TLK1: variants seen among roughly 807,000 people sequenced by gnomAD.
TLK1 encodes the protein tousled like kinase 1, also known as serine/threonine-protein kinase tousled-like 1.
A neutral mutation model predicts 105.3 loss-of-function variants in TLK1; 24 were observed. The ratio of observed to expected loss-of-function variants is 0.23; its 90% confidence interval spans 0.17 to 0.32. The LOEUF is 0.32. TLK1 is among the 10% of genes least tolerant of loss of function. The pLI is 1.00. For missense variants in TLK1, 558 were observed against 910.5 expected, an observed-to-expected ratio of 0.61 and a Z score of 4.98; for synonymous variants, 321 against 310.4, an observed-to-expected ratio of 1.03 and a Z score of -0.36.
chr2:171,121,734 A>C (rs1690664142), intron 1 of TLK1, among the ~76,000 whole-genome samples: 1 of 152,216 alleles, frequency 6.6e-6, no homozygotes, highest in Non-Finnish European at 1.5e-5. Flanking sequence ...TTACCATGGA[A>C]GATGAGGGCA....
chr2:171,223,781 T>C (rs548350599), intron 1 of TLK1, among the ~76,000 whole-genome samples: 40 of 151,882 alleles, frequency 2.6e-4, no homozygotes, highest in Admixed American at 2.5e-3. Context: ...CTCCCAGCAG[T>C]GCACATTTTA....
intron 1 of TLK1, among the ~76,000 whole-genome samples, chr2:171,186,490 A>G (rs1270356210): frequency 9.2e-5 from 14 of 152,150 alleles, no homozygotes; most frequent in African/African-American, 3.4e-4. Flanking sequence ...ATATCCTACA[A>G]TGTGTGGGAC....
intron 2 of TLK1, among the ~76,000 whole-genome samples, chr2:171,104,428 A>G (rs572999235): frequency 2.0e-5 from 3 of 152,274 alleles, no homozygotes; most frequent in African/African-American, 7.2e-5. Flanking sequence ...AAAAAATAGA[A>G]AGACACCCCA....
chr2:171,139,492 G>A (rs1284888840), intron 1 of TLK1, among the ~76,000 whole-genome samples: 1 of 152,056 alleles, frequency 6.6e-6, no homozygotes, highest in East Asian at 1.9e-4. Context: ...AACTCGGGAG[G>A]CTGAGGCAGG....
intron 10 of TLK1, among the ~76,000 whole-genome samples, chr2:171,048,360 C>T (rs11674590): frequency 0.58 from 88,592 of 152,130 alleles, 28,014 homozygotes; most frequent in East Asian, 0.95. Context: ...GGACAATTGC[C>T]GGTCTGGGTT....
Position 171,007,005 on chromosome 2 carries a change from C to G in TLK1, c.1475G>C (p.Ser492Thr). 1 of 1,610,676 alleles carries G rather than the reference C, an allele frequency of 6.2e-7. No individual in the cohort carries two copies. Among genetic ancestry groups the G allele is most frequent in the Non-Finnish European group, 8.5e-7 (1 of 1,179,108 alleles). The change falls in exon 15 of 21, where the codon AGC (serine) becomes ACC (threonine). Residue 492 changes from serine (S) to threonine (T), a missense_variant. Transcript: ENST00000431350. ...GTTTTCTTTCTTCTCATCTCTCCAG[C>G]TTTTATTAAGCTGATGTATCTTCAC... ...AAVKIHQLNK[S>T]WRDEKKENYH...
At chr2:171,174,896 T>C (rs60091560) in intron 1 of TLK1, among the ~76,000 whole-genome samples, 23,772 of 152,132 alleles carry the variant, frequency 0.16, 2,580 homozygotes, top group East Asian at 0.3. Flanking sequence ...ACCCTTAACA[T>C]TTTAAATGAT....
chr2:171,158,259 G>GT (rs1692313043), intron 1 of TLK1, among the ~76,000 whole-genome samples: 1 of 152,100 alleles, frequency 6.6e-6, no homozygotes, highest in African/African-American at 2.4e-5. Context: ...GGTGTGAAGT[G>GT]TAACTTTCAC....
intron 1 of TLK1, among the ~76,000 whole-genome samples, chr2:171,133,038 G>A (rs1459773756): frequency 6.6e-6 from 1 of 152,022 alleles, no homozygotes; most frequent in Admixed American, 6.5e-5. Context: ...AAAAACCAAG[G>A]AACTATAACT....
chr2:171,015,394 C>T (rs1414152616), intron 12 of TLK1, among the ~76,000 whole-genome samples: 2 of 149,150 alleles, frequency 1.3e-5, no homozygotes, highest in South Asian at 4.3e-4. Context: ...TCTTCCTACG[C>T]CTTACAGCAT....
chr2:171,176,436 G>A (rs1198255521), intron 1 of TLK1, among the ~76,000 whole-genome samples: 3 of 152,054 alleles, frequency 2.0e-5, no homozygotes, highest in South Asian at 2.1e-4. Flanking sequence ...TATCCAAAAC[G>A]GAACTCTTGA....
At chr2:171,131,928 C>A (rs1435679314) in intron 1 of TLK1, among the ~76,000 whole-genome samples, 1 of 151,872 alleles carries the variant, frequency 6.6e-6, no homozygotes, top group Non-Finnish European at 1.5e-5. Context: ...AAAATGTGTA[C>A]AAAATCCTGA....
intron 1 of TLK1, among the ~76,000 whole-genome samples, chr2:171,177,037 T>C (rs1418849559): frequency 3.3e-5 from 5 of 152,200 alleles, no homozygotes; most frequent in Admixed American, 3.3e-4. Context: ...TTTGCCATGT[T>C]GGCCAGGCTG....
chr2:171,035,499 G>A (rs1686284030), intron 11 of TLK1, among the ~76,000 whole-genome samples: 1 of 152,134 alleles, frequency 6.6e-6, no homozygotes, highest in Non-Finnish European at 1.5e-5. Flanking sequence ...TTTGTAACTT[G>A]CCCAGTCTCG....
At chr2:171,036,960 G>A (rs1270645940) in intron 11 of TLK1, among the ~76,000 whole-genome samples, 2 of 152,016 alleles carry the variant, frequency 1.3e-5, no homozygotes, top group Admixed American at 6.6e-5. Flanking sequence ...GATTTAAATG[G>A]GATCAAGGTT....
At position 171,055,024 on chromosome 2, in the gene TLK1, G is replaced by C. The variant is rs1463763213; in HGVS notation, c.639+59C>G. 3.1e-6 allele frequency: 3 copies of C among 958,124 alleles called. No individual in the cohort carries two copies. The African/African-American group carries it at 5.2e-5, about 17-fold the overall frequency. The allele number at this position is 958,124 out of a possible 1,614,324, so 59.4% of individuals were successfully genotyped here. A position where few individuals can be genotyped will look rare whatever the true frequency, so the allele number is the denominator to read the frequency against. Reference sequence around the variant, plus strand: ...AAACAAACAGACATCTTAGTTGTTAGTAAGTTAGTCAATGGTTTCTTAGAA... The same window carrying C: ...AAACAAACAGACATCTTAGTTGTTACTAAGTTAGTCAATGGTTTCTTAGAA... On this transcript the variant is annotated intron_variant, in intron 7 of 20. Coordinates refer to ENST00000431350, the MANE Select transcript of TLK1 (RefSeq NM_012290.5).
At chr2:171,092,485 G>T (rs994206439) in intron 2 of TLK1, among the ~76,000 whole-genome samples, 5 of 152,166 alleles carry the variant, frequency 3.3e-5, no homozygotes, top group Non-Finnish European at 7.3e-5. Flanking sequence ...AAAGTGTTCA[G>T]ATTTTAGCTT....
At chr2:171,107,294 T>C (rs745352608) in intron 2 of TLK1, among the ~76,000 whole-genome samples, 2 of 152,212 alleles carry the variant, frequency 1.3e-5, no homozygotes, top group Non-Finnish European at 2.9e-5. Flanking sequence ...AGAAATGGTG[T>C]CCATTTTAGA....
chr2:171,026,259 T>C (rs1408259850), intron 12 of TLK1, among the ~76,000 whole-genome samples: 1 of 152,110 alleles, frequency 6.6e-6, no homozygotes, highest in Non-Finnish European at 1.5e-5. Context: ...GAAGGTTTAG[T>C]GTTCTACAAC....
Sources: allele counts gnomAD v4.1 joint callset (sites outside exome capture counted in the v4.1 genomes callset), GRCh38; gene constraint gnomAD v4.1.1; transcripts MANE v1.5; gene names NCBI Gene and HGNC (gene_info 2026-07-23, HGNC 2026-07-21).